Variants in ARHGAP32 observed in about 807,000 individuals in gnomAD.
ARHGAP32 encodes Rho GTPase activating protein 32.
In ARHGAP32, 51 loss-of-function variants were observed where a neutral mutation model predicts 186.5. The ratio of observed to expected loss-of-function variants is 0.27; its 90% confidence interval spans 0.22 to 0.35. The LOEUF (loss-of-function observed/expected upper bound fraction) is 0.35. Ranked by LOEUF, ARHGAP32 falls within the 10% of genes least tolerant of loss-of-function variation. The pLI is 1.00. For synonymous variants in ARHGAP32, 950 were observed against 964.3 expected, an observed-to-expected ratio of 0.99 and a Z score of 0.27; for missense variants, 2,186 against 2,623.5, an observed-to-expected ratio of 0.83 and a Z score of 3.64.
chr11:129,213,689 T>C (rs963386480), intron 1 of ARHGAP32, among the ~76,000 whole-genome samples: 1 of 152,160 alleles, frequency 6.6e-6, no homozygotes, highest in Non-Finnish European at 1.5e-5. Context: ...TTGATGTAGA[T>C]AACATTTTTA....
intron 2 of ARHGAP32, among the ~76,000 whole-genome samples, chr11:129,129,568 C>T (rs531361523): frequency 1.3e-5 from 2 of 152,276 alleles, no homozygotes; most frequent in Non-Finnish European, 2.9e-5. Flanking sequence ...GCCATGATGA[C>T]GACGGCGGTT....
chr11:129,067,158 A>G (rs1940720368), intron 6 of ARHGAP32, among the ~76,000 whole-genome samples: 1 of 152,074 alleles, frequency 6.6e-6, no homozygotes, highest in South Asian at 2.1e-4. Flanking sequence ...TGGTTAAAAT[A>G]ACATGTGATT....
chr11:129,265,327 G>A (rs1387429890), intron 1 of ARHGAP32, among the ~76,000 whole-genome samples: 1 of 152,218 alleles, frequency 6.6e-6, no homozygotes, highest in Non-Finnish European at 1.5e-5. Context: ...TGGCGCTACT[G>A]ACATTCTTGA....
At chr11:129,107,625 T>C (rs1020056373) in intron 5 of ARHGAP32, among the ~76,000 whole-genome samples, 2 of 152,152 alleles carry the variant, frequency 1.3e-5, no homozygotes, top group Admixed American at 6.5e-5. Context: ...TCCCAGCACT[T>C]TGGGAGGCCA....
intron 10 of ARHGAP32, among the ~76,000 whole-genome samples, chr11:129,043,381 CTTT>C (rs1213682729): frequency 3.9e-5 from 4 of 103,328 alleles, no homozygotes; most frequent in African/African-American, 3.9e-5. Context: ...TTCTTTTTTT[CTTT>C]TTTTTTTTTT....
Position 128,968,120 on chromosome 11 carries a change from C to CT in ARHGAP32, c.*786dup, listed in dbSNP as rs1437924818. The CT allele has an allele frequency of 1.3e-5, 2 of 151,896 alleles. No individual in the cohort carries two copies. The highest frequency in any genetic ancestry group is 6.6e-5 in the Admixed American group (1 of 15,240). The allele number at this position is 151,896 out of a possible 1,614,324, so 9.4% of individuals were successfully genotyped here. A position where few individuals can be genotyped will look rare whatever the true frequency, so the allele number is the denominator to read the frequency against. ...TAATAAAGTTCACTGACAATAAGAACTTTACTTTCTTCCACCTAAAGAAGT... is the reference window on the plus strand; with the variant it reads ...TAATAAAGTTCACTGACAATAAGAACTTTTACTTTCTTCCACCTAAAGAAGT... On this transcript the variant is annotated 3_prime_UTR_variant, in exon 23 of 23. Coordinates refer to ENST00000682385, the MANE Select transcript of ARHGAP32 (RefSeq NM_001378024.1).
At chr11:129,126,393 A>C (rs1258232705) in intron 2 of ARHGAP32, among the ~76,000 whole-genome samples, 3 of 152,250 alleles carry the variant, frequency 2.0e-5, no homozygotes, top group African/African-American at 7.2e-5. Flanking sequence ...CAGTGAAATA[A>C]GTTATCATTC....
intron 1 of ARHGAP32, among the ~76,000 whole-genome samples, chr11:129,263,793 T>C (rs570453772): frequency 1.3e-5 from 2 of 152,158 alleles, no homozygotes; most frequent in South Asian, 2.1e-4. Flanking sequence ...GATGAGAATA[T>C]AAAATGGTAC....
Position 128,970,413 on chromosome 11 carries a change from G to A in ARHGAP32, c.4800C>T (p.Leu1600=). The change falls in exon 23 of 23, where the codon CTC becomes CTT. Residue 1600 remains leucine (L), a synonymous_variant. Coordinates refer to ENST00000682385, the MANE Select transcript of ARHGAP32 (RefSeq NM_001378024.1). The surrounding 1 kb of genome is among the most constrained non-coding windows in gnomAD (Gnocchi z 5.8). ...GAATCATGGAAGACGGCGGAGCATG[G>A]AGAGACTGCACTCTCCGGATGGTAG... ...PYPTIRRVQS[L]HAPPSSMIRS... is the part of the protein sequence containing the mutation. The A allele has an allele frequency of 6.8e-6, 11 of 1,614,156 alleles. No homozygotes were observed. Among genetic ancestry groups the A allele is most frequent in the Non-Finnish European group, 9.3e-6 (11 of 1,180,026 alleles).
intron 5 of ARHGAP32, among the ~76,000 whole-genome samples, chr11:129,104,860 G>C (rs1942006993): frequency 6.6e-6 from 1 of 152,074 alleles, no homozygotes; most frequent in African/African-American, 2.4e-5. Context: ...CTGAATCAAG[G>C]AAAAAGCCAC....
At chr11:129,188,709 A>G (rs1304085182) in intron 1 of ARHGAP32, among the ~76,000 whole-genome samples, 3 of 152,202 alleles carry the variant, frequency 2.0e-5, no homozygotes, top group Admixed American at 2.0e-4. Flanking sequence ...CCCCAATTAA[A>G]ATATGTTCAC....
At chr11:129,066,088 T>C (rs1940679079) in intron 7 of ARHGAP32, among the ~76,000 whole-genome samples, 1 of 152,168 alleles carries the variant, frequency 6.6e-6, no homozygotes, top group Non-Finnish European at 1.5e-5. Context: ...ATAGTAATCA[T>C]CCTTCGAAAA....
Position 128,972,390 on chromosome 11 carries a change from C to T in ARHGAP32, c.4053+63G>A, listed in dbSNP as rs937877727. On this transcript the variant is annotated intron_variant, in intron 22 of 22. Transcript: ENST00000682385. ...GACTCAAAGATAACAACACACCCTG[C>T]TGAAAAGTGACATACCTTTGGTAAT... 113 of 1,473,036 alleles carry T rather than the reference C, an allele frequency of 7.7e-5. No homozygotes were observed. In the East Asian group the frequency reaches 2.6e-3, roughly 33 times the overall value. The allele number at this position is 1,473,036 out of a possible 1,614,324, so 91.2% of individuals were successfully genotyped here.
chr11:129,195,021 G>A (rs552454288), upstream of ARHGAP32, among the ~76,000 whole-genome samples: 1 of 151,160 alleles, frequency 6.6e-6, no homozygotes, highest in Non-Finnish European at 1.5e-5. Flanking sequence ...CTAGGCTGGA[G>A]TGCAGTGGCA....
At chr11:129,268,570 T>G (rs1945434844) in intron 1 of ARHGAP32, among the ~76,000 whole-genome samples, 1 of 145,094 alleles carries the variant, frequency 6.9e-6, no homozygotes, top group South Asian at 2.1e-4. Flanking sequence ...ACTAGTGGTA[T>G]GAGACACAGG....
At chr11:129,016,846 TAA>T (rs1218010506) in intron 11 of ARHGAP32, among the ~76,000 whole-genome samples, 3 of 152,238 alleles carry the variant, frequency 2.0e-5, no homozygotes, top group African/African-American at 7.2e-5. Context: ...TCCATGAACA[TAA>T]TAGATCTCTC....
At chr11:129,134,351 C>G (rs1942890420) in intron 2 of ARHGAP32, among the ~76,000 whole-genome samples, 1 of 152,062 alleles carries the variant, frequency 6.6e-6, no homozygotes, top group South Asian at 2.1e-4. Context: ...ATGTATGTAC[C>G]ACATCTATTC....
At chr11:129,279,469 C>G (rs900846478), upstream of ARHGAP32, 12 of 146,296 alleles carry the variant, frequency 8.2e-5, no homozygotes, top group African/African-American at 3.0e-4. Flanking sequence ...GACGCGGGTC[C>G]TCGGGCTCCA....
At chr11:129,091,121 C>T (rs1941566727) in intron 6 of ARHGAP32, among the ~76,000 whole-genome samples, 1 of 152,002 alleles carries the variant, frequency 6.6e-6, no homozygotes, top group South Asian at 2.1e-4. Flanking sequence ...GCATCACAGA[C>T]CTATTATTCA....
Sources: gnomAD v4.1 joint callset for allele counts (sites outside exome capture counted in the v4.1 genomes callset) on GRCh38, gnomAD v4.1.1 for gene constraint, Gnocchi (gnomAD v3.1) non-coding constraint, MANE v1.5 for transcripts, NCBI Gene and HGNC (gene_info 2026-07-23, HGNC 2026-07-21) for gene names.